The following PA2G4 variants were observed in gnomAD, a reference collection of about 807,000 sequenced individuals.
PA2G4 encodes proliferation-associated protein 2G4.
PA2G4 carries 8 observed loss-of-function variants against 53.3 expected under a neutral mutation model. The ratio of observed to expected loss-of-function variants is 0.15; its 90% CI spans 0.09 to 0.27. PA2G4 has a LOEUF of 0.27. PA2G4 is among the 10% of genes least tolerant of loss of function. The pLI, the probability that PA2G4 is intolerant of heterozygous loss-of-function variation, is 1.00. For missense variants in PA2G4, 208 were observed against 486.8 expected (o/e 0.43, Z 5.39); for synonymous variants, 143 against 169.8 (o/e 0.84, Z 1.23).
chr12:56,107,391 T>C, intron 4 of PA2G4, 130 bp from the exon 5 acceptor site: 3 of 1,001,096 alleles, frequency 3.0e-6, no homozygotes, highest in East Asian at 4.8e-5. Context: ...AAGGTTTTTG[T>C]TGTTGTTGTT....
intron 2 of PA2G4, 83 bp from the exon 3 acceptor site, chr12:56,106,907 G>A: frequency 7.5e-7 from 1 of 1,328,374 alleles, no homozygotes; most frequent in Non-Finnish European, 1.1e-6. Context: ...GCAAGACCCT[G>A]AAAAAATCCT....
At chr12:56,109,693 T>G (rs1004404469) in intron 6 of PA2G4, among the ~76,000 whole-genome samples, 164 bp from the exon 7 acceptor site, 7 of 151,602 alleles carry the variant, frequency 4.6e-5, no homozygotes, top group Non-Finnish European at 7.4e-5. Flanking sequence ...CTTGAAGATC[T>G]ATCCTGGCTA....
Position 56,110,545 on chromosome 12 carries a change from A to G in PA2G4, c.709-14A>G, listed in dbSNP as rs1460239762. 1.2e-6 allele frequency: 2 copies of G among 1,614,070 alleles called. No homozygotes were observed. The highest frequency in any genetic ancestry group is 1.7e-6 in the Non-Finnish European group (2 of 1,179,980). ...TGTTCACCAGACCAAATGTTACTTA[A>G]ATTACTCTTTCAGGCCAAGGATGCA... On this transcript the variant is annotated splice_polypyrimidine_tract_variant and intron_variant, in intron 8 of 12. Coordinates refer to ENST00000303305, the MANE Select transcript of PA2G4 (RefSeq NM_006191.3).
At chr12:56,111,380 A>G (rs1211278547) in intron 11 of PA2G4, 71 bp downstream of exon 11, 2 of 1,602,520 alleles carry the variant, frequency 1.2e-6, no homozygotes, top group Non-Finnish European at 1.7e-6. Context: ...AAATGCCAGC[A>G]AAGTCCTGAA....
rs969725312 is a variant in PA2G4 at position 56,107,585 on chromosome 12, C to T, written c.458C>T (p.Ala153Val). 6.2e-7 allele frequency: 1 copy of T among 1,613,460 alleles called. No individual in the cohort carries two copies. Among genetic ancestry groups the T allele is most frequent in the Non-Finnish European group, 8.5e-7 (1 of 1,179,370 alleles). The change falls in exon 5 of 13, where the codon GCC becomes GTC. Residue 153 changes from alanine to valine, a missense_variant. Physicochemically the swap from Ala to Val is moderately conservative, Grantham distance 64. Coordinates refer to ENST00000303305, the MANE Select transcript of PA2G4 (RefSeq NM_006191.3). ...GCAGCTCACCTTTGTGCTGAAGCTG[C>T]CCTACGCCTGGTCAAACCTGGAAAT... ...IKAAHLCAEA[A>V]LRLVKPGNQN...
chr12:56,106,710 A>G lies in PA2G4; in HGVS notation c.211A>G (p.Lys71Glu). 6.3e-7 allele frequency: 1 copy of G among 1,578,670 alleles called. No individual in the cohort carries two copies. Among genetic ancestry groups the G allele is most frequent in the Non-Finnish European group, 8.5e-7 (1 of 1,172,162 alleles). Residue 71 changes from lysine (K) to glutamate (E), a missense_variant, in exon 2 of 13, where the codon AAG becomes GAG. By Grantham distance (56) the Lys-to-Glu change is moderately conservative. Coordinates refer to ENST00000303305, the MANE Select transcript of PA2G4 (RefSeq NM_006191.3). ...GKIFKKEKEM[K>E]KGIAFPTSIS... ...AATCTTCAAGAAAGAAAAGGAAATG[A>G]AGAAAGGTAAAAAAAAAAAATCCCT...
chr12:56,104,854 C>A, intron 1 of PA2G4, 29 bp downstream of exon 1: 1 of 1,577,074 alleles, frequency 6.3e-7, no homozygotes, highest in Non-Finnish European at 8.7e-7. Context: ...GTCGGGGAAT[C>A]AAGGCTGATA....
chr12:56,111,210 A>T lies in PA2G4; in HGVS notation c.966A>T (p.Thr322=). The change falls in exon 11 of 13, where the codon ACA becomes ACT. Residue 322 remains threonine (T), a synonymous_variant. Transcript: ENST00000303305. ...AATTTGTTGCCCAGTTTAAATTTAC[A>T]GTTCTGCTCATGCCCAATGGCCCCA... ...EGEFVAQFKF[T]VLLMPNGPMR... 1.1e-5 allele frequency: 17 copies of T among 1,614,204 alleles called. No homozygotes were observed. Among genetic ancestry groups the T allele is most frequent in the Non-Finnish European group, 1.4e-5 (16 of 1,180,032 alleles).
intron 1 of PA2G4, 193 bp from the exon 2 acceptor site, chr12:56,106,395 C>T (rs985542892): frequency 8.2e-6 from 4 of 485,262 alleles, no homozygotes; most frequent in Non-Finnish European, 1.0e-5. Flanking sequence ...GAGGCCTTGC[C>T]TAGGGAGATG....
chr12:56,112,953 T>A lies in PA2G4; in HGVS notation c.*65T>A. The A allele has an allele frequency of 9.1e-7, 1 of 1,096,028 alleles. No homozygotes were observed. Among genetic ancestry groups the A allele is most frequent in the Non-Finnish European group, 1.3e-6 (1 of 768,138 alleles). 67.9% of individuals were successfully genotyped at this position (1,096,028 alleles called of 1,614,324 possible). ...CCCCTTCCCACCAAACCCCAGACTC[T>A]GTGAAGTGCAGTTCTTCTCCACCTA... On this transcript the variant is annotated 3_prime_UTR_variant, in exon 13 of 13. Transcript: ENST00000303305.
intron 6 of PA2G4, 143 bp from the exon 7 acceptor site, chr12:56,109,714 T>A (rs1429577399): frequency 6.2e-6 from 4 of 650,142 alleles, no homozygotes; most frequent in Non-Finnish European, 1.1e-5. Flanking sequence ...TAACCCAGTC[T>A]AAGCCAGAAA....
At chr12:56,107,715 T>C in intron 5 of PA2G4, 102 bp downstream of exon 5, 1 of 705,614 alleles carries the variant, frequency 1.4e-6, no homozygotes, top group South Asian at 1.7e-5. Context: ...ACAGACCCCT[T>C]ATAAAACAGC....
At chr12:56,109,449 G>A (rs779708872) in intron 6 of PA2G4, among the ~76,000 whole-genome samples, 156 bp downstream of exon 6, 4 of 151,624 alleles carry the variant, frequency 2.6e-5, no homozygotes, top group Non-Finnish European at 5.9e-5. Flanking sequence ...GTGAAACCCC[G>A]TCTCTACTAA....
chr12:56,106,365 G>T, intron 1 of PA2G4: 1 of 387,034 alleles, frequency 2.6e-6, no homozygotes, highest in Non-Finnish European at 4.5e-6. Context: ...CACACCAAAG[G>T]TAGCATCTTT....
Position 56,112,892 on chromosome 12 carries a change from G to C in PA2G4, c.*4G>C. 4 of 1,548,342 alleles carry C rather than the reference G, an allele frequency of 2.6e-6. No individual in the cohort carries two copies. The highest frequency in any genetic ancestry group is 3.5e-6 in the Non-Finnish European group (4 of 1,150,670). On this transcript the variant is annotated 3_prime_UTR_variant, in exon 13 of 13. Coordinates refer to ENST00000303305, the MANE Select transcript of PA2G4 (RefSeq NM_006191.3). ...AGAAAATGAAGCTGGGGACTGAGGT[G>C]GGTCCCATCTCCCCAGCTTGCTGCT...
At chr12:56,106,501 CT>C in intron 1 of PA2G4, 86 bp from the exon 2 acceptor site, 23 of 1,388,146 alleles carry the variant, frequency 1.7e-5, no homozygotes, top group Non-Finnish European at 2.2e-5. Flanking sequence ...ATTATGGAAA[CT>C]CTTAAATTCA....
intron 5 of PA2G4, 129 bp downstream of exon 5, chr12:56,107,742 T>C: frequency 1.6e-6 from 1 of 618,694 alleles, no homozygotes; most frequent in African/African-American, 1.8e-5. Flanking sequence ...AAATTAGCTA[T>C]ATTTAGCTGG....
chr12:56,108,514 G>C (rs553082179), intron 5 of PA2G4, among the ~76,000 whole-genome samples: 1 of 152,082 alleles, frequency 6.6e-6, no homozygotes, highest in Non-Finnish European at 1.5e-5. Flanking sequence ...TTTCCATATA[G>C]TATTTAGTAA....
chr12:56,106,810 C>A, intron 2 of PA2G4, 94 bp downstream of exon 2: 1 of 1,470,894 alleles, frequency 6.8e-7, no homozygotes, highest in Non-Finnish European at 9.2e-7. Context: ...CAGTCCCCAC[C>A]CCAGCTCTGG....
Sources: gnomAD v4.1 joint callset for allele counts (sites outside exome capture counted in the v4.1 genomes callset) on GRCh38, gnomAD v4.1.1 for gene constraint, MANE v1.5 for transcripts, NCBI Gene and HGNC (gene_info 2026-07-23, HGNC 2026-07-21) for gene names.